LRRC8D: variants seen among roughly 807,000 people sequenced by gnomAD.
LRRC8D encodes volume-regulated anion channel subunit LRRC8D.
LRRC8D carries 20 observed loss-of-function variants against 55.8 expected under a neutral mutation model. The observed-to-expected ratio is 0.36, with a 90% confidence interval of 0.25 to 0.52. The LOEUF is 0.52. LRRC8D is among the 20% of genes least tolerant of loss of function. The pLI, the probability that LRRC8D is intolerant of heterozygous loss-of-function variation, is 0.93. For missense variants in LRRC8D, 651 were observed against 1,030.8 expected (o/e 0.63, Z 5.05); for synonymous variants, 352 against 377.0 (o/e 0.93, Z 0.77).
intron 2 of LRRC8D, among the ~76,000 whole-genome samples, chr1:89,892,553 C>T (rs1662605925): frequency 6.6e-6 from 1 of 151,986 alleles, no homozygotes; most frequent in Non-Finnish European, 1.5e-5. Flanking sequence ...CAGTCTCGCT[C>T]TGTCGCCCAG....
intron 2 of LRRC8D, among the ~76,000 whole-genome samples, chr1:89,891,016 G>GGACTGCA (rs1203044694): frequency 2.0e-5 from 3 of 152,058 alleles, no homozygotes; most frequent in Admixed American, 2.0e-4. Context: ...TGAGTAGCTG[G>GGACTGCA]GACTGCAGGC....
At chr1:89,931,119 T>C in intron 2 of LRRC8D, among the ~76,000 whole-genome samples, 1 of 151,366 alleles carries the variant, frequency 6.6e-6, no homozygotes, top group South Asian at 2.1e-4. Context: ...CTTAGACTTG[T>C]GTTTACCTGC....
At chr1:89,892,919 A>C (rs1029210977) in intron 2 of LRRC8D, among the ~76,000 whole-genome samples, 1 of 152,244 alleles carries the variant, frequency 6.6e-6, no homozygotes, top group South Asian at 2.1e-4. Context: ...AGTTTATTTG[A>C]AATTACATGT....
At chr1:89,826,358 G>A (rs1374315122) in intron 1 of LRRC8D, among the ~76,000 whole-genome samples, 2 of 152,026 alleles carry the variant, frequency 1.3e-5, no homozygotes, top group African/African-American at 2.4e-5. Context: ...TCCGCCTCCC[G>A]GGTTCACGCC....
At chr1:89,862,839 C>A (rs1219870859) in intron 2 of LRRC8D, among the ~76,000 whole-genome samples, 1 of 152,076 alleles carries the variant, frequency 6.6e-6, no homozygotes, top group Non-Finnish European at 1.5e-5. Context: ...ACAAATGATC[C>A]AAGGAAGATC....
At chr1:89,869,177 G>A (rs1661932757) in intron 2 of LRRC8D, among the ~76,000 whole-genome samples, 1 of 152,166 alleles carries the variant, frequency 6.6e-6, no homozygotes, top group East Asian at 1.9e-4. Context: ...AAAGTGCTGA[G>A]ATTACAGGTG....
intron 2 of LRRC8D, among the ~76,000 whole-genome samples, chr1:89,844,229 G>A (rs1362280563): frequency 6.6e-6 from 1 of 152,234 alleles, no homozygotes; most frequent in Non-Finnish European, 1.5e-5. Context: ...ACGTAGGGAA[G>A]AGGAAGAAGA....
chr1:89,917,456 T>C (rs1005792191), intron 2 of LRRC8D, among the ~76,000 whole-genome samples: 4 of 152,192 alleles, frequency 2.6e-5, no homozygotes, highest in African/African-American at 4.8e-5. Context: ...CATCAAACTA[T>C]GCTTCTAAGC....
At chr1:89,824,680 C>G (rs1225151359) in intron 1 of LRRC8D, among the ~76,000 whole-genome samples, 4 of 152,126 alleles carry the variant, frequency 2.6e-5, no homozygotes, top group Non-Finnish European at 5.9e-5. Flanking sequence ...CCCCTTACCC[C>G]CAGTTGACTT....
At chr1:89,848,317 C>G (rs914279541) in intron 2 of LRRC8D, among the ~76,000 whole-genome samples, 9 of 152,278 alleles carry the variant, frequency 5.9e-5, no homozygotes, top group African/African-American at 2.2e-4. Context: ...CCACCACCAC[C>G]AGCCCTATAT....
In LRRC8D at chr1:89,858,614, A is replaced by T. The variant is rs558943809; in HGVS notation, c.-3+14832A>T. ...TCTTACAGGTGTTTTCAAGAAAGTTATAAGTTTTGTAAGTATAATTTTAGT... is the reference window on the plus strand; with the variant it reads ...TCTTACAGGTGTTTTCAAGAAAGTTTTAAGTTTTGTAAGTATAATTTTAGT... On this transcript the variant is annotated intron_variant, in intron 2 of 2. Transcript: ENST00000337338. 2.6e-5 allele frequency among the ~76,000 whole-genome samples: 4 copies of T among 152,320 alleles called. No individual in the cohort carries two copies. The East Asian group carries it at 7.7e-4, about 29-fold the overall frequency.
At chr1:89,860,630 C>T (rs1329788021) in intron 2 of LRRC8D, among the ~76,000 whole-genome samples, 5 of 149,728 alleles carry the variant, frequency 3.3e-5, no homozygotes, top group South Asian at 4.2e-4. Flanking sequence ...TGGTGGTGCG[C>T]GGCTGTAACC....
intron 2 of LRRC8D, among the ~76,000 whole-genome samples, chr1:89,905,944 G>T (rs551180715): frequency 6.6e-6 from 1 of 152,336 alleles, no homozygotes; most frequent in East Asian, 1.9e-4. Flanking sequence ...GTCTTCAAAG[G>T]TAGCTGAGAC....
chr1:89,861,340 AACAT>A (rs1157240622), intron 2 of LRRC8D, among the ~76,000 whole-genome samples: 1 of 152,232 alleles, frequency 6.6e-6, no homozygotes, highest in Non-Finnish European at 1.5e-5. Flanking sequence ...ATGTGACTTT[AACAT>A]ACATAAGGCA....
intron 1 of LRRC8D, chr1:89,843,404 T>TGGCA (rs1262670957): frequency 3.9e-5 from 13 of 330,918 alleles, no homozygotes; most frequent in African/African-American, 2.8e-4. Context: ...GGCGGGTGGC[T>TGGCA]GGCAGCGAGG....
At chr1:89,851,966 A>T (rs543498065) in intron 2 of LRRC8D, among the ~76,000 whole-genome samples, 1 of 152,086 alleles carries the variant, frequency 6.6e-6, no homozygotes, top group South Asian at 2.1e-4. Context: ...ACCTTGGCCA[A>T]TAGTTATAGG....
At chr1:89,931,192 A>C (rs1028519701) in intron 2 of LRRC8D, among the ~76,000 whole-genome samples, 2 of 138,654 alleles carry the variant, frequency 1.4e-5, no homozygotes, top group African/African-American at 5.4e-5. Context: ...TGTAGTATTC[A>C]TTGTATTTTA....
At chr1:89,844,862 A>G (rs936392566) in intron 2 of LRRC8D, among the ~76,000 whole-genome samples, 1 of 152,160 alleles carries the variant, frequency 6.6e-6, no homozygotes, top group Non-Finnish European at 1.5e-5. Flanking sequence ...GAGAATAATC[A>G]GTTTGATGGG....
intron 2 of LRRC8D, among the ~76,000 whole-genome samples, chr1:89,884,156 A>G (rs1185618923): frequency 6.6e-6 from 1 of 152,220 alleles, no homozygotes; most frequent in East Asian, 1.9e-4. Context: ...GCCTGCACCT[A>G]AAATTGCAGA....
Sources: allele counts gnomAD v4.1 joint callset (sites outside exome capture counted in the v4.1 genomes callset), GRCh38; gene constraint gnomAD v4.1.1; transcripts MANE v1.5; gene names NCBI Gene and HGNC (gene_info 2026-07-23, HGNC 2026-07-21).